Variants in LNX1 observed in about 807,000 individuals in gnomAD.
LNX1 encodes E3 ubiquitin-protein ligase LNX.
In LNX1, 54 loss-of-function variants were observed where a neutral mutation model predicts 68.4. That is an observed-to-expected ratio of 0.79 (90% confidence interval 0.63 to 0.99). LNX1 has a LOEUF of 0.99. Ranked by LOEUF, LNX1 falls within the 50% of genes least tolerant of loss-of-function variation. LNX1 has a pLI of 0.00. For synonymous variants in LNX1, 336 were observed against 350.0 expected, an observed-to-expected ratio of 0.96 and a Z score of 0.45; for missense variants, 906 against 926.4, an observed-to-expected ratio of 0.98 and a Z score of 0.29.
chr4:53,495,548 C>CTTTTTTTTTTTTTTTTTTT (rs199684639), intron 6 of LNX1, among the ~76,000 whole-genome samples: 41 of 119,406 alleles, frequency 3.4e-4, no homozygotes, highest in East Asian at 2.7e-3. Context: ...CATGGCATAG[C>CTTTTTTTTTTTTTTTTTTT]TTTTTTTTTT....
At chr4:53,510,226 A>T (rs1726227872) in intron 2 of LNX1, among the ~76,000 whole-genome samples, 1 of 152,238 alleles carries the variant, frequency 6.6e-6, no homozygotes, top group Non-Finnish European at 1.5e-5. Flanking sequence ...TTTCAAAGCC[A>T]CAAGAGTCTA....
intron 2 of LNX1, among the ~76,000 whole-genome samples, chr4:53,548,572 G>A (rs1160053215): frequency 6.6e-6 from 1 of 152,092 alleles, no homozygotes; most frequent in Non-Finnish European, 1.5e-5. Context: ...ATACACTGTT[G>A]GCAGGAGTGT....
chr4:53,613,874 C>G (rs1200516337), intron 2 of LNX1, among the ~76,000 whole-genome samples: 3 of 152,160 alleles, frequency 2.0e-5, no homozygotes, highest in Non-Finnish European at 4.4e-5. Flanking sequence ...GGTCTTTGAG[C>G]AATCGCCACA....
intron 1 of LNX1, among the ~76,000 whole-genome samples, chr4:53,644,707 A>G (rs6816209): frequency 0.43 from 64,962 of 151,976 alleles, 14,712 homozygotes; most frequent in East Asian, 0.58. Context: ...AGGTTACCCC[A>G]GCACCAGCAG....
chr4:53,473,288 G>A (rs752193954), intron 9 of LNX1, among the ~76,000 whole-genome samples: 1 of 152,158 alleles, frequency 6.6e-6, no homozygotes, highest in Non-Finnish European at 1.5e-5. Flanking sequence ...AATGAAAGTG[G>A]CTGCAAAGGA....
At chr4:53,495,548 C>CTTTTT (rs199684639) in intron 6 of LNX1, among the ~76,000 whole-genome samples, 8 of 119,414 alleles carry the variant, frequency 6.7e-5, no homozygotes. Context: ...CATGGCATAG[C>CTTTTT]TTTTTTTTTT....
chr4:53,601,813 A>G lies in LNX1; in HGVS notation c.-214-10298T>C, dbSNP rs138408090. Among the ~76,000 whole-genome samples, 1,153 of 152,246 alleles carry G rather than the reference A, an allele frequency of 7.6e-3. 8 individuals are homozygous for G. Among genetic ancestry groups the G allele is most frequent in the Non-Finnish European group, 0.012 (831 of 68,024 alleles). ...CTCCAGGATAAAGGAATAAGGAACC[A>G]CATGCCAGGGGTCACTGCAGGTCAC... On this transcript the variant is annotated intron_variant, in intron 2 of 3. Coordinates refer to the LNX1 transcript ENST00000504299.
At chr4:53,536,534 A>G (rs1411556885) in intron 2 of LNX1, among the ~76,000 whole-genome samples, 1 of 152,162 alleles carries the variant, frequency 6.6e-6, no homozygotes, top group East Asian at 1.9e-4. Context: ...AAAGCACATT[A>G]CAAAAAAATG....
intron 2 of LNX1, among the ~76,000 whole-genome samples, chr4:53,572,900 T>C (rs1649699007): frequency 6.6e-6 from 1 of 152,188 alleles, no homozygotes; most frequent in Non-Finnish European, 1.5e-5. Context: ...CTTTTAAAAC[T>C]TAATTGAGAA....
chr4:53,464,482 C>T (rs1399265754), intron 9 of LNX1, among the ~76,000 whole-genome samples: 2 of 18,366 alleles, frequency 1.1e-4, no homozygotes, highest in Admixed American at 1.1e-3. Flanking sequence ...ATATAATCAA[C>T]ATGAAAAAGA....
At position 53,573,810 on chromosome 4, in the gene LNX1, G is replaced by A; in HGVS notation, c.193C>T (p.Leu65Phe). 1 of 1,613,272 alleles carries A rather than the reference G, an allele frequency of 6.2e-7. No homozygotes were observed. The highest frequency in any genetic ancestry group is 8.5e-7 in the Non-Finnish European group (1 of 1,179,660). ...PCGHTYCTLC[L>F]TNFLVEKDFC... ...TCCTTCTCCACCAGGAAGTTGGTGA[G>A]GCAGAGGGTGCAGTAGGTGTGTCCA... Residue 65 changes from leucine (L) to phenylalanine (F), a missense_variant, in exon 2 of 11, where the codon CTC becomes TTC. Physicochemically the swap from Leu to Phe is conservative, Grantham distance 22 (BLOSUM62 0). Coordinates refer to ENST00000263925, the MANE Select transcript of LNX1 (RefSeq NM_001126328.3).
At chr4:53,562,071 C>T (rs748055226) in intron 2 of LNX1, among the ~76,000 whole-genome samples, 2 of 152,196 alleles carry the variant, frequency 1.3e-5, no homozygotes, top group Non-Finnish European at 2.9e-5. Flanking sequence ...TTCTTTCATT[C>T]AGGGCCTGAC....
intron 2 of LNX1, among the ~76,000 whole-genome samples, chr4:53,602,266 G>C (rs147497361): frequency 5.5e-4 from 84 of 152,282 alleles, no homozygotes; most frequent in African/African-American, 1.9e-3. Flanking sequence ...AATTAAATAT[G>C]CAGGGACTTG....
At chr4:53,518,041 C>T (rs1726924115) in intron 2 of LNX1, among the ~76,000 whole-genome samples, 1 of 152,156 alleles carries the variant, frequency 6.6e-6, no homozygotes, top group Admixed American at 6.5e-5. Context: ...TTCCAACCAC[C>T]ACTGTTTCAC....
At chr4:53,523,493 G>C (rs1167794649) in intron 2 of LNX1, among the ~76,000 whole-genome samples, 4 of 152,128 alleles carry the variant, frequency 2.6e-5, no homozygotes, top group East Asian at 1.9e-4. Context: ...TGCCATGTTG[G>C]CTAGGCTGGT....
Position 53,503,345 on chromosome 4 carries a change from G to A in LNX1, c.775+3972C>T, listed in dbSNP as rs188507136. ...CTATGTATGGCAGCTATAGCCTTTC[G>A]AAATTTATTTCTTAAATAATGAGAC... On this transcript the variant is annotated intron_variant, in intron 4 of 10. Transcript: ENST00000263925. 2.9e-4 allele frequency among the ~76,000 whole-genome samples: 44 copies of A among 152,244 alleles called. No homozygotes were observed. In the East Asian group the frequency reaches 7.1e-3, roughly 25 times the overall value.
upstream of LNX1, among the ~76,000 whole-genome samples, chr4:53,594,394 GA>G (rs1732657675): frequency 6.6e-6 from 1 of 151,990 alleles, no homozygotes; most frequent in Non-Finnish European, 1.5e-5. Flanking sequence ...TTTAAAATCT[GA>G]AAATTTAATC....
intron 1 of LNX1, among the ~76,000 whole-genome samples, chr4:53,638,647 C>A (rs924268042): frequency 2.8e-4 from 43 of 152,266 alleles, no homozygotes; most frequent in African/African-American, 8.9e-4. Flanking sequence ...GGCCCCGAAG[C>A]ATAATGCTGA....
chr4:53,619,831 C>A (rs1424458462), upstream of LNX1, among the ~76,000 whole-genome samples: 1 of 152,184 alleles, frequency 6.6e-6, no homozygotes, highest in Non-Finnish European at 1.5e-5. Context: ...CACCCAGCAG[C>A]AATGCATGAA....
Sources: allele counts gnomAD v4.1 joint callset (sites outside exome capture counted in the v4.1 genomes callset), GRCh38; gene constraint gnomAD v4.1.1; transcripts MANE v1.5; gene names NCBI Gene and HGNC (gene_info 2026-07-23, HGNC 2026-07-21).